The following TNRC6B variants were observed in gnomAD, a reference collection of about 807,000 sequenced individuals.
TNRC6B encodes the protein trinucleotide repeat containing adaptor 6B, also known as trinucleotide repeat-containing gene 6B protein.
TNRC6B carries 52 observed loss-of-function variants against 203.6 expected under a neutral mutation model. That is an observed-to-expected ratio of 0.26 (90% CI 0.20 to 0.32). The LOEUF is 0.32. Ranked by LOEUF, TNRC6B falls within the 10% of genes least tolerant of loss-of-function variation. The probability of loss-of-function intolerance (pLI) is 1.00; values close to 1 mark genes in which losing one functional copy is unlikely to be tolerated. For synonymous variants in TNRC6B, 838 were observed against 845.7 expected (o/e 0.99, Z 0.16); for missense variants, 1,923 against 2,286.2 (o/e 0.84, Z 3.24).
chr22:40,157,478 G>A (rs747960835), intron 4 of TNRC6B, among the ~76,000 whole-genome samples: 5 of 152,106 alleles, frequency 3.3e-5, no homozygotes, highest in Admixed American at 2.6e-4. Context: ...AAAGGAAAAT[G>A]GCTCGTCTTG....
upstream of TNRC6B, among the ~76,000 whole-genome samples, chr22:40,176,415 C>T (rs960439275): frequency 6.6e-6 from 1 of 152,130 alleles, no homozygotes; most frequent in Non-Finnish European, 1.5e-5. Context: ...GTATGAGCCA[C>T]CGCACCCGGC....
intron 15 of TNRC6B, among the ~76,000 whole-genome samples, 188 bp from the exon 16 acceptor site, chr22:40,308,324 C>G (rs1030504729): frequency 1.3e-5 from 2 of 152,200 alleles, no homozygotes; most frequent in Non-Finnish European, 2.9e-5. Flanking sequence ...CACGCCTTCA[C>G]AGAGAGACAT....
intron 9 of TNRC6B, among the ~76,000 whole-genome samples, chr22:40,279,607 A>T (rs1362323599): frequency 6.6e-6 from 1 of 152,166 alleles, no homozygotes; most frequent in Non-Finnish European, 1.5e-5. Flanking sequence ...GCAAAAACAG[A>T]CAACTTCTCT....
At chr22:40,175,077 G>A (rs943794079), upstream of TNRC6B, among the ~76,000 whole-genome samples, 2 of 152,098 alleles carry the variant, frequency 1.3e-5, no homozygotes, top group African/African-American at 2.4e-5. Flanking sequence ...AATATTCAGT[G>A]GCCGGGCGCA....
In TNRC6B at chr22:40,092,090, C is replaced by T. The variant is rs569245919; in HGVS notation, c.-120-24965C>T. On this transcript the variant is annotated intron_variant, in intron 1 of 23. Transcript: ENST00000301923. ...AAACACTGAGCTACAGTGAATGAGT[C>T]AGCAGAACCAACAAAAATGATCAGA... is the stretch of plus-strand genomic sequence containing the variant. Among the ~76,000 whole-genome samples, 16 of 152,204 alleles carry T rather than the reference C, an allele frequency of 1.1e-4. No homozygotes were observed. The South Asian group carries it at 3.3e-3, about 32-fold the overall frequency.
chr22:40,274,766 A>G (rs576389666), intron 7 of TNRC6B, among the ~76,000 whole-genome samples: 67 of 152,098 alleles, frequency 4.4e-4, no homozygotes, highest in Non-Finnish European at 7.5e-4. Flanking sequence ...GTTGTGTACT[A>G]AACTTTTCAC....
At chr22:40,101,195 C>T (rs1054011351) in intron 1 of TNRC6B, among the ~76,000 whole-genome samples, 1 of 151,994 alleles carries the variant, frequency 6.6e-6, no homozygotes, top group Non-Finnish European at 1.5e-5. Flanking sequence ...GGTTTCATTG[C>T]GTTAGCCAGG....
chr22:40,159,529 C>G (rs942361428), intron 4 of TNRC6B, among the ~76,000 whole-genome samples: 1 of 151,250 alleles, frequency 6.6e-6, no homozygotes, highest in African/African-American at 2.4e-5. Flanking sequence ...GTCCCAGCAA[C>G]TCGGGAGGCT....
intron 4 of TNRC6B, among the ~76,000 whole-genome samples, chr22:40,168,823 A>G (rs1454637174): frequency 1.3e-5 from 2 of 152,090 alleles, no homozygotes; most frequent in Non-Finnish European, 1.5e-5. Flanking sequence ...ACTCCTACTC[A>G]TTCTTTGAGA....
chr22:40,114,570 G>A (rs1368724861), intron 1 of TNRC6B, among the ~76,000 whole-genome samples: 1 of 152,122 alleles, frequency 6.6e-6, no homozygotes, highest in Non-Finnish European at 1.5e-5. Context: ...TGATCCTCCT[G>A]CCTCGGCCTC....
intron 1 of TNRC6B, among the ~76,000 whole-genome samples, chr22:40,060,866 G>C (rs149475001): frequency 6.6e-6 from 1 of 152,280 alleles, no homozygotes; most frequent in African/African-American, 2.4e-5. Flanking sequence ...AGTTAGTTTG[G>C]TACCTAGCAT....
At chr22:40,067,261 G>A (rs976850355) in intron 1 of TNRC6B, among the ~76,000 whole-genome samples, 2 of 152,042 alleles carry the variant, frequency 1.3e-5, no homozygotes, top group African/African-American at 2.4e-5. Flanking sequence ...TAATGCCTTC[G>A]TAAGTTTAAT....
Position 40,329,852 on chromosome 22 carries a change from G to A in TNRC6B, c.*6611G>A, listed in dbSNP as rs1027178506. The stretch of plus-strand genomic sequence containing the variant: ...GTGTTTGCCTCACCAAATTTAAATC[G>A]TTCCCTTTTCAGTTAGCTATATACC... On this transcript the variant is annotated 3_prime_UTR_variant, in exon 23 of 23. Transcript: ENST00000454349. 1.3e-5 allele frequency: 2 copies of A among 152,190 alleles called. No individual in the cohort carries two copies. The highest frequency in any genetic ancestry group is 1.9e-4 in the East Asian group (1 of 5,194). 9.4% of individuals were successfully genotyped at this position (152,190 alleles called of 1,614,324 possible).
chr22:40,304,198 A>T (rs1008972250), intron 15 of TNRC6B, among the ~76,000 whole-genome samples: 1 of 152,260 alleles, frequency 6.6e-6, no homozygotes, highest in Non-Finnish European at 1.5e-5. Flanking sequence ...ATATGTCTTG[A>T]TAAAGCCTCT....
chr22:40,187,326 G>C (rs1342497316), intron 1 of TNRC6B, among the ~76,000 whole-genome samples: 4 of 152,152 alleles, frequency 2.6e-5, no homozygotes, highest in Non-Finnish European at 5.9e-5. Flanking sequence ...TTAGAATTTA[G>C]AAGGGTCAAA....
chr22:40,200,590 A>G (rs1216581209), intron 1 of TNRC6B, among the ~76,000 whole-genome samples: 1 of 152,042 alleles, frequency 6.6e-6, no homozygotes, highest in African/African-American at 2.4e-5. Flanking sequence ...GCCCGGCTAA[A>G]AAGTAATATT....
At chr22:40,308,814 A>T (rs1474755673) in intron 16 of TNRC6B, among the ~76,000 whole-genome samples, 165 bp downstream of exon 16, 1 of 152,288 alleles carries the variant, frequency 6.6e-6, no homozygotes, top group Non-Finnish European at 1.5e-5. Flanking sequence ...ATTACAAGAA[A>T]TATAAAGTAC....
chr22:40,083,165 G>C (rs962424409), intron 1 of TNRC6B, among the ~76,000 whole-genome samples: 2 of 152,174 alleles, frequency 1.3e-5, no homozygotes, highest in African/African-American at 4.8e-5. Context: ...GGATGAAGGA[G>C]AGAAGAGGAG....
upstream of TNRC6B, among the ~76,000 whole-genome samples, chr22:40,175,000 C>T (rs568686147): frequency 1.9e-3 from 292 of 151,922 alleles, 1 homozygote; most frequent in African/African-American, 6.9e-3. Flanking sequence ...TTTAGATAAA[C>T]GATTAGACTA....
Sources: allele counts gnomAD v4.1 joint callset (sites outside exome capture counted in the v4.1 genomes callset), GRCh38; gene constraint gnomAD v4.1.1; transcripts MANE v1.5; gene names NCBI Gene and HGNC (gene_info 2026-07-23, HGNC 2026-07-21).